The following ATF2 variants were observed in gnomAD, a reference collection of about 807,000 sequenced individuals.
ATF2 encodes cyclic AMP-dependent transcription factor ATF-2.
A neutral mutation model predicts 60.6 loss-of-function variants in ATF2; 24 were observed. That is an observed-to-expected ratio of 0.40 (90% CI 0.29 to 0.56). The LOEUF (loss-of-function observed/expected upper bound fraction) is 0.56. Ranked by LOEUF, ATF2 falls within the 20% of genes least tolerant of loss-of-function variation. The pLI is 0.54. For synonymous variants in ATF2, 206 were observed against 215.4 expected (o/e 0.96, Z 0.38); for missense variants, 433 against 607.7 (o/e 0.71, Z 3.02).
intron 2 of ATF2, among the ~76,000 whole-genome samples, chr2:175,146,168 T>C (rs1388888448): frequency 6.6e-6 from 1 of 152,200 alleles, no homozygotes; most frequent in Non-Finnish European, 1.5e-5. Flanking sequence ...GAGTATTATA[T>C]AACCCCAAAT....
chr2:175,117,892 AC>A, intron 7 of ATF2, 97 bp downstream of exon 7: 1 of 1,311,540 alleles, frequency 7.6e-7, no homozygotes, highest in African/African-American at 1.5e-5. Context: ...GCAAGCTGAC[AC>A]TGAATTTAAT....
chr2:175,151,404 C>T (rs1219047807), intron 1 of ATF2, among the ~76,000 whole-genome samples: 1 of 151,986 alleles, frequency 6.6e-6, no homozygotes, highest in Non-Finnish European at 1.5e-5. Context: ...ATATTACCAC[C>T]TATTAGAGGT....
chr2:175,097,332 CT>C (rs1185925054), intron 11 of ATF2, 111 bp downstream of exon 11: 4 of 1,428,116 alleles, frequency 2.8e-6, no homozygotes, highest in Non-Finnish European at 3.8e-6. Flanking sequence ...TTTGATACAT[CT>C]TTGGAATAAC....
intron 13 of ATF2, among the ~76,000 whole-genome samples, chr2:175,076,607 A>C (rs1015308353): frequency 6.6e-6 from 1 of 152,104 alleles, no homozygotes; most frequent in African/African-American, 2.4e-5. Context: ...GTTATAAAAT[A>C]TTTATAATTC....
chr2:175,085,587 C>T (rs1013601531), intron 12 of ATF2, among the ~76,000 whole-genome samples: 4 of 151,044 alleles, frequency 2.6e-5, no homozygotes, highest in African/African-American at 9.8e-5. Context: ...CACACACACA[C>T]ACACACACAC....
chr2:175,083,364 G>T (rs62183057), intron 12 of ATF2, among the ~76,000 whole-genome samples: 5,778 of 152,156 alleles, frequency 0.038, 131 homozygotes, highest in Admixed American at 0.093. Flanking sequence ...CTATCTGATC[G>T]TTGACAAACC....
intron 12 of ATF2, among the ~76,000 whole-genome samples, chr2:175,090,037 G>C (rs1232266056): frequency 6.6e-6 from 1 of 152,100 alleles, no homozygotes; most frequent in African/African-American, 2.4e-5. Flanking sequence ...ACCAAGGTGA[G>C]ATTCATATAA....
intron 8 of ATF2, 52 bp downstream of exon 8, chr2:175,114,638 C>G (rs1441734494): frequency 2.5e-6 from 4 of 1,570,116 alleles, no homozygotes; most frequent in Non-Finnish European, 2.6e-6. Context: ...AAAATCATTA[C>G]AAAACAAACT....
At chr2:175,135,242 T>C (rs1263309885) in intron 3 of ATF2, among the ~76,000 whole-genome samples, 1 of 152,044 alleles carries the variant, frequency 6.6e-6, no homozygotes, top group African/African-American at 2.4e-5. Context: ...TTCATAATGG[T>C]TGGACCAGGC....
At chr2:175,164,931 A>G (rs1574525020) in intron 1 of ATF2, among the ~76,000 whole-genome samples, 1 of 152,212 alleles carries the variant, frequency 6.6e-6, no homozygotes, top group Admixed American at 6.5e-5. Context: ...ATCGGCTCTC[A>G]CTGCAGCCTC....
At chr2:175,113,941 T>G (rs1696374979) in intron 9 of ATF2, 53 bp downstream of exon 9, 1 of 1,456,284 alleles carries the variant, frequency 6.9e-7, no homozygotes, top group South Asian at 1.2e-5. Context: ...CTTTATTTTC[T>G]GACTACAAAG....
intron 2 of ATF2, among the ~76,000 whole-genome samples, chr2:175,147,177 C>T (rs1699018862): frequency 6.6e-6 from 1 of 151,934 alleles, no homozygotes; most frequent in African/African-American, 2.4e-5. Flanking sequence ...TAAAATATGA[C>T]ATGTAGGTTA....
At chr2:175,132,393 G>A (rs1023518515) in intron 3 of ATF2, among the ~76,000 whole-genome samples, 1 of 152,148 alleles carries the variant, frequency 6.6e-6, no homozygotes, top group African/African-American at 2.4e-5. Flanking sequence ...TTAATGATGA[G>A]TAGACATTGA....
rs1464382128 is a variant in ATF2, at chr2:175,073,445, T to C, written c.*1164A>G. The stretch of plus-strand genomic sequence containing the variant: ...AACATTCAAGCAAAGATTGCTGGCA[T>C]AAACTATTAAAAGACACACACACAC... On this transcript the variant is annotated 3_prime_UTR_variant, in exon 14 of 14. Coordinates refer to ENST00000264110, the MANE Select transcript of ATF2 (RefSeq NM_001880.4). The C allele has an allele frequency of 6.6e-6, 1 of 151,908 alleles. No homozygotes were observed. The highest frequency in any genetic ancestry group is 1.5e-5 in the Non-Finnish European group (1 of 67,928). The allele number at this position is 151,908 out of a possible 1,614,324, so 9.4% of individuals were successfully genotyped here. A position where few individuals can be genotyped will look rare whatever the true frequency, so the allele number is the denominator to read the frequency against.
At chr2:175,087,689 A>G (rs149700086) in intron 12 of ATF2, among the ~76,000 whole-genome samples, 3,766 of 152,322 alleles carry the variant, frequency 0.025, 74 homozygotes, top group Non-Finnish European at 0.034. Flanking sequence ...AAAATGTTTA[A>G]GCCTCACAAA....
chr2:175,140,580 AT>A (rs1313595352), intron 2 of ATF2, among the ~76,000 whole-genome samples: 1 of 152,174 alleles, frequency 6.6e-6, no homozygotes, highest in Admixed American at 6.5e-5. Context: ...TTATGGGTGT[AT>A]ACATATAAGT....
At chr2:175,128,788 A>C (rs1420340964) in intron 4 of ATF2, among the ~76,000 whole-genome samples, 1 of 152,130 alleles carries the variant, frequency 6.6e-6, no homozygotes, top group Non-Finnish European at 1.5e-5. Flanking sequence ...GCCTCTGACA[A>C]GGACTGGTAT....
At chr2:175,166,002 C>G (rs1251354347) in intron 1 of ATF2, among the ~76,000 whole-genome samples, 2 of 151,932 alleles carry the variant, frequency 1.3e-5, no homozygotes, top group Non-Finnish European at 2.9e-5. Context: ...CAAAAAACGC[C>G]AAAGAAAAAA....
chr2:175,105,035 A>G (rs2105641263), intron 10 of ATF2, among the ~76,000 whole-genome samples: 1 of 152,354 alleles, frequency 6.6e-6, no homozygotes, highest in South Asian at 2.1e-4. Context: ...CACTAAGTTT[A>G]GTTAAATTTA....
Sources: gnomAD v4.1 joint callset for allele counts (sites outside exome capture counted in the v4.1 genomes callset) on GRCh38, gnomAD v4.1.1 for gene constraint, MANE v1.5 for transcripts, NCBI Gene and HGNC (gene_info 2026-07-23, HGNC 2026-07-21) for gene names.